Variants in ATXN7 observed in about 807,000 individuals in gnomAD.
ATXN7 encodes the protein ataxin-7.
A neutral mutation model predicts 70.5 loss-of-function variants in ATXN7; 12 were observed. The observed-to-expected ratio is 0.17, with a 90% CI of 0.11 to 0.28. The LOEUF is 0.28. Ranked by LOEUF, ATXN7 falls within the 10% of genes least tolerant of loss-of-function variation. ATXN7 has a pLI of 1.00. For missense variants in ATXN7, 1,256 were observed against 1,131.7 expected (o/e 1.11, Z -1.58); for synonymous variants, 498 against 448.7 (o/e 1.11, Z -1.39).
chr3:63,987,645 C>A (rs2075599150), intron 8 of ATXN7, among the ~76,000 whole-genome samples: 1 of 152,034 alleles, frequency 6.6e-6, no homozygotes, highest in Non-Finnish European at 1.5e-5. Context: ...TTGTTTCTTC[C>A]CTTTACATTA....
intron 11 of ATXN7, among the ~76,000 whole-genome samples, chr3:63,993,552 TTTA>T (rs2075707981): frequency 6.6e-6 from 1 of 152,146 alleles, no homozygotes; most frequent in African/African-American, 2.4e-5. Context: ...CACAGACATT[TTTA>T]TTATTTTTTA....
chr3:63,917,816 C>G (rs544667307), intron 4 of ATXN7, among the ~76,000 whole-genome samples: 1 of 152,262 alleles, frequency 6.6e-6, no homozygotes, highest in East Asian at 1.9e-4. Flanking sequence ...TTGAGTCACT[C>G]TAGTGTGTGA....
chr3:63,892,693 C>A (rs1167696645), intron 1 of ATXN7, among the ~76,000 whole-genome samples: 1 of 152,204 alleles, frequency 6.6e-6, no homozygotes, highest in African/African-American at 2.4e-5. Context: ...GCATCCCACT[C>A]CAGGCACATA....
At chr3:63,918,253 C>CA (rs951019785) in intron 4 of ATXN7, among the ~76,000 whole-genome samples, 4 of 152,138 alleles carry the variant, frequency 2.6e-5, no homozygotes, top group African/African-American at 9.7e-5. Context: ...ACTGAGTCAA[C>CA]AGAGTACCAC....
At position 63,899,874 on chromosome 3, in the gene ATXN7, C is replaced by T. The variant is rs193046910; in HGVS notation, c.-12+1377C>T. ...CTTCGCGATCTGCCCTCCTCGGCCT[C>T]CCAAAGTGCTGGGATTACACGCGTG... On this transcript the variant is annotated intron_variant, in intron 2 of 12. Transcript: ENST00000674280. 5.8e-4 allele frequency among the ~76,000 whole-genome samples: 88 copies of T among 152,250 alleles called. No homozygotes were observed. The East Asian group carries it at 0.014, about 25-fold the overall frequency.
At chr3:63,952,835 CTTTTTTTTTTTTTTTTTTT>C (rs59256288) in intron 5 of ATXN7, among the ~76,000 whole-genome samples, 3 of 49,164 alleles carry the variant, frequency 6.1e-5, no homozygotes, top group Admixed American at 2.4e-4. Context: ...ATGCATGGGC[CTTTTTTTTTTTTTTTTTTT>C]TTTTTTTTTT....
intron 6 of ATXN7, among the ~76,000 whole-genome samples, chr3:63,980,817 C>T (rs1425008570): frequency 1.3e-5 from 2 of 152,222 alleles, no homozygotes; most frequent in African/African-American, 2.4e-5. Context: ...TGGGGGTCTA[C>T]GGAGCAAATA....
At chr3:63,931,844 C>G (rs1278145359) in intron 4 of ATXN7, among the ~76,000 whole-genome samples, 1 of 152,132 alleles carries the variant, frequency 6.6e-6, no homozygotes, top group Non-Finnish European at 1.5e-5. Flanking sequence ...GATAATAAAA[C>G]TGTGTCAAAG....
rs1021337132 is a variant in ATXN7, at chr3:63,980,225, C to G, written c.752+58C>G. ...CCTGCTGGAAATGAAACTGTGTACA[C>G]TAGTGGCATGTGAGAGTGCCTGTGA... On this transcript the variant is annotated intron_variant, in intron 6 of 12. Coordinates refer to ENST00000674280, the MANE Select transcript of ATXN7 (RefSeq NM_001377405.1). 5.7e-5 allele frequency: 91 copies of G among 1,598,450 alleles called. 1 individual carries two copies. The highest frequency in any genetic ancestry group is 1.9e-4 in the South Asian group (17 of 90,224).
At chr3:63,883,856 A>G (rs890241049) in intron 1 of ATXN7, among the ~76,000 whole-genome samples, 1 of 152,126 alleles carries the variant, frequency 6.6e-6, no homozygotes. Context: ...ACAGAAAAAA[A>G]AATATTTTTT....
intron 9 of ATXN7, among the ~76,000 whole-genome samples, chr3:63,989,155 C>A (rs1487706839): frequency 6.6e-6 from 1 of 152,210 alleles, no homozygotes; most frequent in Non-Finnish European, 1.5e-5. Context: ...CCTGTCCCAA[C>A]GTGAGCTTTG....
intron 2 of ATXN7, chr3:63,912,259 G>C (rs962297836): frequency 6.6e-6 from 1 of 152,052 alleles, no homozygotes; most frequent in Non-Finnish European, 1.5e-5. Flanking sequence ...GGTTGGAGCC[G>C]GGCCGCTCCG....
chr3:64,000,370 C>CT lies in ATXN7; in HGVS notation c.*907dup, dbSNP rs3836530. ...CCAAAGAGATGAAATTTTCTTAATC[C>CT]TTTTAAGTTTTCATAGTAAACAGTA... On this transcript the variant is annotated 3_prime_UTR_variant, in exon 13 of 13. Transcript: ENST00000674280. 6.6e-6 allele frequency: 1 copy of CT among 152,206 alleles called. No homozygotes were observed. Among genetic ancestry groups the CT allele is most frequent in the South Asian group, 2.1e-4 (1 of 4,812 alleles). The allele number at this position is 152,206 out of a possible 1,614,324, so 9.4% of individuals were successfully genotyped here. A position where few individuals can be genotyped will look rare whatever the true frequency, so the allele number is the denominator to read the frequency against.
At chr3:63,863,660 A>G (rs901164833), upstream of ATXN7, 11 of 1,222,764 alleles carry the variant, frequency 9.0e-6, no homozygotes, top group African/African-American at 3.2e-5. Context: ...CGCTCTGGCG[A>G]AGAGGCCGGG....
At chr3:63,885,260 A>G (rs1403454670) in intron 1 of ATXN7, among the ~76,000 whole-genome samples, 1 of 152,208 alleles carries the variant, frequency 6.6e-6, no homozygotes, top group East Asian at 1.9e-4. Context: ...GAACTCAATA[A>G]CAAAACAGAT....
At chr3:63,915,982 C>A (rs965360948) in intron 4 of ATXN7, among the ~76,000 whole-genome samples, 2 of 152,136 alleles carry the variant, frequency 1.3e-5, no homozygotes, top group African/African-American at 4.8e-5. Context: ...CCACCACCCC[C>A]GCCAGAAACT....
chr3:63,998,862 TAGTTGA>T (rs1364909306), intron 12 of ATXN7: 1 of 234,508 alleles, frequency 4.3e-6, no homozygotes, highest in Non-Finnish European at 7.0e-6. Context: ...ATAACTGGGC[TAGTTGA>T]AGTTTTCTAA....
chr3:63,972,847 G>A (rs532722432), intron 5 of ATXN7, among the ~76,000 whole-genome samples: 1 of 152,198 alleles, frequency 6.6e-6, no homozygotes, highest in Non-Finnish European at 1.5e-5. Flanking sequence ...AAGAGGGTTT[G>A]ATTTGTTCTT....
chr3:63,938,192 G>A (rs548725553), intron 4 of ATXN7, among the ~76,000 whole-genome samples: 6 of 152,252 alleles, frequency 3.9e-5, no homozygotes, highest in Non-Finnish European at 5.9e-5. Flanking sequence ...CAGGTTCCCC[G>A]GGAAGGACAA....
Sources: gnomAD v4.1 joint callset for allele counts (sites outside exome capture counted in the v4.1 genomes callset) on GRCh38, gnomAD v4.1.1 for gene constraint, MANE v1.5 for transcripts, NCBI Gene and HGNC (gene_info 2026-07-23, HGNC 2026-07-21) for gene names.